GCNT2: variants seen among roughly 807,000 people sequenced by gnomAD.
GCNT2 encodes N-acetyllactosaminide beta-1,6-N-acetylglucosaminyl-transferase.
A neutral mutation model predicts 34.2 loss-of-function variants in GCNT2; 34 were observed. The observed-to-expected ratio is 1.00, with a 90% CI of 0.76 to 1.32. GCNT2 has a LOEUF of 1.32. Among genes scored for constraint, GCNT2 ranks in the 40% most tolerant of loss-of-function variants. The pLI, the probability that GCNT2 is intolerant of heterozygous loss-of-function variation, is 0.00. For synonymous variants in GCNT2, 212 were observed against 188.0 expected (o/e 1.13, Z -1.04); for missense variants, 584 against 489.4 (o/e 1.19, Z -1.82).
At chr6:10,606,392 TC>T (rs1765312358) in intron 3 of GCNT2, among the ~76,000 whole-genome samples, 1 of 152,050 alleles carries the variant, frequency 6.6e-6, no homozygotes, top group Admixed American at 6.6e-5. Flanking sequence ...AGAAACATTT[TC>T]CCCCTCTTAA....
intron 4 of GCNT2, among the ~76,000 whole-genome samples, chr6:10,625,541 T>C (rs1766223160): frequency 6.6e-6 from 1 of 152,158 alleles, no homozygotes; most frequent in African/African-American, 2.4e-5. Context: ...AATTTCAATA[T>C]TGACGTGTTA....
chr6:10,591,654 T>C (rs1219157297), intron 3 of GCNT2, among the ~76,000 whole-genome samples: 1 of 152,178 alleles, frequency 6.6e-6, no homozygotes, highest in Non-Finnish European at 1.5e-5. Context: ...CTTCCACACC[T>C]GCCACCCACT....
intron 4 of GCNT2, among the ~76,000 whole-genome samples, chr6:10,625,216 TTG>T (rs1179261695): frequency 1.3e-5 from 2 of 152,214 alleles, no homozygotes; most frequent in South Asian, 2.1e-4. Context: ...GCTCTCCAGT[TTG>T]TGTTATTACT....
At chr6:10,611,225 G>GAAAAAAA (rs773459728) in intron 3 of GCNT2, among the ~76,000 whole-genome samples, 4 of 133,102 alleles carry the variant, frequency 3.0e-5, no homozygotes, top group Middle Eastern at 3.8e-3. Context: ...ATGTCTATTT[G>GAAAAAAA]AAAAAAAAAA....
chr6:10,589,900 A>C (rs1266307789), intron 3 of GCNT2, among the ~76,000 whole-genome samples: 1 of 152,214 alleles, frequency 6.6e-6, no homozygotes, highest in Admixed American at 6.5e-5. Flanking sequence ...ATTTAAATAC[A>C]TCATATGCAG....
intron 3 of GCNT2, among the ~76,000 whole-genome samples, chr6:10,576,777 C>T (rs75870819): frequency 3.3e-5 from 5 of 152,162 alleles, no homozygotes; most frequent in East Asian, 3.9e-4. Context: ...AGCAGGAGCT[C>T]AGAAGCACTC....
intron 3 of GCNT2, among the ~76,000 whole-genome samples, chr6:10,614,843 G>A (rs1027204602): frequency 2.6e-5 from 4 of 152,148 alleles, no homozygotes; most frequent in African/African-American, 9.6e-5. Context: ...GGGAATGGAC[G>A]CGCGTTCATT....
intron 3 of GCNT2, chr6:10,586,360 A>G (rs147482025): frequency 8.7e-6 from 14 of 1,614,112 alleles, no homozygotes; most frequent in Non-Finnish European, 1.2e-5. Flanking sequence ...CAAAATGTCT[A>G]CTGTGTTCAC....
intron 3 of GCNT2, among the ~76,000 whole-genome samples, chr6:10,553,042 T>C (rs1762549731): frequency 6.6e-6 from 1 of 152,224 alleles, no homozygotes; most frequent in South Asian, 2.1e-4. Context: ...CATTCAACTT[T>C]ACATGTCTAG....
chr6:10,557,194 A>G (rs1005091027), intron 3 of GCNT2: 4 of 1,559,420 alleles, frequency 2.6e-6, no homozygotes, highest in Non-Finnish European at 3.5e-6. Context: ...ATAATCTCAC[A>G]ATTTACTTTG....
chr6:10,607,225 T>A (rs550550468), intron 3 of GCNT2, among the ~76,000 whole-genome samples: 1 of 152,218 alleles, frequency 6.6e-6, no homozygotes, highest in East Asian at 1.9e-4. Context: ...AGAAGAGGCT[T>A]AATTGCCTCA....
At chr6:10,538,437 A>T (rs9466621) in intron 3 of GCNT2, among the ~76,000 whole-genome samples, 4,142 of 70,400 alleles carry the variant, frequency 0.059, 105 homozygotes, top group African/African-American at 0.12. Flanking sequence ...AAAAAAAAAA[A>T]ATATATATAT....
Position 10,548,195 on chromosome 6 carries a change from A to G in GCNT2, c.925+18359A>G, listed in dbSNP as rs182309370. Reference sequence around the variant, plus strand: ...AGCTAAGATCTTGCCACTGCACTCCATGCACTCCAGCCTGGGCAACAGAAT... The same window carrying G: ...AGCTAAGATCTTGCCACTGCACTCCGTGCACTCCAGCCTGGGCAACAGAAT... On this transcript the variant is annotated intron_variant, in intron 3 of 4. Coordinates refer to ENST00000495262, the MANE Select transcript of GCNT2 (RefSeq NM_145649.5). 1.8e-3 allele frequency among the ~76,000 whole-genome samples: 271 copies of G among 152,312 alleles called. 4 individuals carry two copies. The highest frequency in any genetic ancestry group is 3.4e-3 in the Middle Eastern group (1 of 294).
chr6:10,549,901 T>G (rs1007476434), intron 3 of GCNT2, among the ~76,000 whole-genome samples: 2 of 152,164 alleles, frequency 1.3e-5, no homozygotes, highest in Non-Finnish European at 2.9e-5. Flanking sequence ...TTTCTCTCAT[T>G]TAAATATAAG....
intron 3 of GCNT2, chr6:10,574,880 T>G: frequency 1.4e-6 from 1 of 703,380 alleles, no homozygotes; most frequent in Non-Finnish European, 2.7e-6. Flanking sequence ...TTGTCTTCTT[T>G]CTTTTTCTGA....
rs750324211 is a variant in GCNT2 at position 10,527,456 on chromosome 6, C to T, written c.-468-18C>T. ...ATAAATAAAATAAAATAAAAAGTTG[C>T]TTGTCTACTACATACAGACAATGCT... On this transcript the variant is annotated intron_variant, in intron 1 of 4. Coordinates refer to ENST00000495262, the MANE Select transcript of GCNT2 (RefSeq NM_145649.5). 1 of 152,128 alleles carries T rather than the reference C, an allele frequency of 6.6e-6. No homozygotes were observed. The highest frequency in any genetic ancestry group is 1.5e-5 in the Non-Finnish European group (1 of 68,032). 9.4% of individuals were successfully genotyped at this position (152,128 alleles called of 1,614,324 possible). A position where few individuals can be genotyped will look rare whatever the true frequency, so the allele number is the denominator to read the frequency against.
chr6:10,564,558 TC>T (rs1257789178), intron 3 of GCNT2, among the ~76,000 whole-genome samples: 1 of 152,162 alleles, frequency 6.6e-6, no homozygotes, highest in Non-Finnish European at 1.5e-5. Flanking sequence ...TCAACCTTGG[TC>T]TTAGCATTGC....
intron 3 of GCNT2, among the ~76,000 whole-genome samples, chr6:10,564,529 A>G (rs535927534): frequency 5.3e-5 from 8 of 152,192 alleles, no homozygotes; most frequent in Non-Finnish European, 1.0e-4. Flanking sequence ...ATCACCAGCC[A>G]TGTATCCCCC....
rs546148329 is a variant in GCNT2, at chr6:10,621,554, A to G, written c.1018+111A>G. The G allele has an allele frequency of 1.1e-4, 80 of 737,412 alleles. No homozygotes were observed. In the South Asian group the frequency reaches 1.1e-3, roughly 10 times the overall value. 45.7% of individuals were successfully genotyped at this position (737,412 alleles called of 1,614,324 possible). A position where few individuals can be genotyped will look rare whatever the true frequency, so the allele number is the denominator to read the frequency against. On this transcript the variant is annotated intron_variant, in intron 4 of 4. Transcript: ENST00000495262. Reference sequence around the variant, plus strand: ...GAGAATTGCTGCTATATTTAGACCAATCTGTTAGTTATTGGAGAAGCCAGA... The same window carrying G: ...GAGAATTGCTGCTATATTTAGACCAGTCTGTTAGTTATTGGAGAAGCCAGA...
Sources: gnomAD v4.1 joint callset for allele counts (sites outside exome capture counted in the v4.1 genomes callset) on GRCh38, gnomAD v4.1.1 for gene constraint, MANE v1.5 for transcripts, NCBI Gene and HGNC (gene_info 2026-07-23, HGNC 2026-07-21) for gene names.